The following DNM2 variants were observed in gnomAD, a reference collection of about 807,000 sequenced individuals.
DNM2 encodes the protein dynamin 2.
Under a neutral mutation model 99.0 loss-of-function variants are expected in DNM2, and 15 were observed. The ratio of observed to expected loss-of-function variants is 0.15; its 90% CI spans 0.10 to 0.23. The LOEUF (loss-of-function observed/expected upper bound fraction) is 0.23. Among genes scored for constraint, DNM2 ranks in the 10% least tolerant of loss-of-function variants. The probability of loss-of-function intolerance (pLI) is 1.00; values close to 1 mark genes in which losing one functional copy is unlikely to be tolerated. For missense variants in DNM2, 742 were observed against 1,189.4 expected (o/e 0.62, Z 5.53); for synonymous variants, 525 against 481.2 (o/e 1.09, Z -1.19).
intron 7 of DNM2, among the ~76,000 whole-genome samples, chr19:10,788,645 C>G (rs139063553): frequency 0.013 from 2,029 of 152,304 alleles, 24 homozygotes; most frequent in South Asian, 0.02. Context: ...CACCCCATGA[C>G]TTGGTTGGTG....
chr19:10,735,444 G>A (rs755660110), intron 1 of DNM2, among the ~76,000 whole-genome samples: 6 of 152,160 alleles, frequency 3.9e-5, no homozygotes, highest in Non-Finnish European at 5.9e-5. Context: ...AGGTAGGCTT[G>A]CTAGGTTTCC....
At chr19:10,767,885 G>A (rs992716840) in intron 2 of DNM2, among the ~76,000 whole-genome samples, 1 of 152,144 alleles carries the variant, frequency 6.6e-6, no homozygotes, top group Non-Finnish European at 1.5e-5. Flanking sequence ...CAGCCTGGGT[G>A]ACAGAGCAAG....
chr19:10,719,989 G>T (rs1433755760), intron 1 of DNM2, among the ~76,000 whole-genome samples: 1 of 151,944 alleles, frequency 6.6e-6, no homozygotes, highest in Non-Finnish European at 1.5e-5. Context: ...GTGGAAAGGT[G>T]TGGACTTGCA....
At chr19:10,769,826 G>A (rs879935061) in intron 2 of DNM2, among the ~76,000 whole-genome samples, 22 of 152,298 alleles carry the variant, frequency 1.4e-4, no homozygotes, top group Non-Finnish European at 2.1e-4. Flanking sequence ...CAGTGCCTGT[G>A]CTGGACACGG....
intron 6 of DNM2, among the ~76,000 whole-genome samples, chr19:10,783,375 G>A (rs1568298337): frequency 6.6e-6 from 1 of 152,202 alleles, no homozygotes; most frequent in Non-Finnish European, 1.5e-5. Flanking sequence ...GCTGAGGCAG[G>A]AGGATCACTT....
chr19:10,798,686 A>C, intron 11 of DNM2, 114 bp downstream of exon 11: 1 of 1,170,824 alleles, frequency 8.5e-7, no homozygotes, highest in South Asian at 1.3e-5. Context: ...ACCTCAATCA[A>C]GATACAGAGC....
In DNM2 at chr19:10,830,244, C is replaced by G. The variant is rs1355836332; in HGVS notation, c.2409C>G (p.Ser803=). ...CTGTTCCCGTGGGGGCAGCAGCCTC[C>G]TTCTCGGCGCCCCCAATCCCATCCC... ...LIPVPVGAAA[S]FSAPPIPSRP... The change falls in exon 20 of 21, where the codon TCC becomes TCG. Residue 803 remains serine (S), a synonymous_variant. Coordinates refer to ENST00000389253, the MANE Select transcript of DNM2 (RefSeq NM_001005361.3). This position sits in a 1 kb window ranked among gnomAD's most constrained non-coding sequence, Gnocchi z 4.8. The G allele has an allele frequency of 1.2e-6, 2 of 1,613,826 alleles. No individual in the cohort carries two copies.
chr19:10,812,442 G>A lies in DNM2; in HGVS notation c.1671+65G>A, dbSNP rs1423678871. The A allele has an allele frequency of 1.5e-5, 20 of 1,362,878 alleles. No individual in the cohort carries two copies. In the East Asian group the frequency reaches 3.9e-4, roughly 26 times the overall value. The allele number at this position is 1,362,878 out of a possible 1,614,324, so 84.4% of individuals were successfully genotyped here. A position where few individuals can be genotyped will look rare whatever the true frequency, so the allele number is the denominator to read the frequency against. ...GGCAGCCAGGGAAGAGCGGGTGGGC[G>A]CTCCCTCTGGGCAGAACTCAGTCAC... is the stretch of plus-strand genomic sequence containing the variant. On this transcript the variant is annotated intron_variant, in intron 15 of 20. Coordinates refer to ENST00000389253, the MANE Select transcript of DNM2 (RefSeq NM_001005361.3). The surrounding 1 kb of genome is among the most constrained non-coding windows in gnomAD (Gnocchi z 4.0).
At chr19:10,771,047 C>A (rs1366681191) in intron 2 of DNM2, among the ~76,000 whole-genome samples, 1 of 152,218 alleles carries the variant, frequency 6.6e-6, no homozygotes, top group Non-Finnish European at 1.5e-5. Flanking sequence ...CCCTCCTCGG[C>A]GTCCCACAGT....
At chr19:10,828,374 T>A (rs988302870) in intron 18 of DNM2, among the ~76,000 whole-genome samples, 2 of 151,390 alleles carry the variant, frequency 1.3e-5, no homozygotes. Flanking sequence ...GATCATAAGG[T>A]CAGGAGATCG....
chr19:10,735,318 G>A (rs761603253), intron 1 of DNM2, among the ~76,000 whole-genome samples: 11 of 151,968 alleles, frequency 7.2e-5, no homozygotes, highest in African/African-American at 1.2e-4. Context: ...GATTACAGGC[G>A]TAAGCCACCT....
chr19:10,787,494 C>T (rs914419957), intron 7 of DNM2, among the ~76,000 whole-genome samples: 2 of 150,140 alleles, frequency 1.3e-5, no homozygotes, highest in Non-Finnish European at 1.5e-5. Context: ...AGGCCAGGCA[C>T]GGTGGCTCAC....
intron 1 of DNM2, among the ~76,000 whole-genome samples, chr19:10,719,169 C>T (rs923744291): frequency 1.3e-5 from 2 of 152,098 alleles, no homozygotes; most frequent in South Asian, 2.1e-4. Context: ...GTCTGTCTGG[C>T]CATCTCCTAG....
At chr19:10,768,011 G>A (rs1008023762) in intron 2 of DNM2, among the ~76,000 whole-genome samples, 3 of 152,248 alleles carry the variant, frequency 2.0e-5, no homozygotes, top group East Asian at 1.9e-4. Context: ...AGACCTGGTC[G>A]GTGCCTGGGC....
rs2072738625 is a variant in DNM2, at chr19:10,816,302, G to A, written c.1672-3678G>A. Among the ~76,000 whole-genome samples, 1 of 152,124 alleles carries A rather than the reference G, an allele frequency of 6.6e-6. No homozygotes were observed. The highest frequency in any genetic ancestry group is 2.4e-5 in the African/African-American group (1 of 41,424). On this transcript the variant is annotated intron_variant, in intron 15 of 20. Coordinates refer to ENST00000389253, the MANE Select transcript of DNM2 (RefSeq NM_001005361.3). The surrounding 1 kb of genome is among the most constrained non-coding windows in gnomAD (Gnocchi z 4.6). ...CACATGAGGCCAGACGCTCATCTCT[G>A]GAATGTTCCTGAAACCTCAGGAGCC...
Position 10,759,789 on chromosome 19 carries a change from G to A in DNM2, c.213G>A (p.Leu71=), listed in dbSNP as rs375324714. ...SGIVTRRPLI[L]QLIFSKTEHA... ...TCGTCACCCGGCGGCCTCTCATTCT[G>A]CAGCTCATCTTCTCAAAAACAGGTA... is the stretch of plus-strand genomic sequence containing the variant. The change falls in exon 2 of 21, where the codon CTG becomes CTA. Residue 71 remains leucine (L), a synonymous_variant. Coordinates refer to ENST00000389253, the MANE Select transcript of DNM2 (RefSeq NM_001005361.3). 14 of 1,614,084 alleles carry A rather than the reference G, an allele frequency of 8.7e-6. No homozygotes were observed. The African/African-American group carries it at 1.6e-4, about 18-fold the overall frequency.
intron 5 of DNM2, 118 bp from the exon 6 acceptor site, chr19:10,782,842 C>T: frequency 1.4e-6 from 2 of 1,386,728 alleles, no homozygotes; most frequent in Admixed American, 1.7e-5. Flanking sequence ...CATGTTATGA[C>T]AGCTGTGAGT....
At chr19:10,755,852 C>T (rs995937421) in intron 1 of DNM2, among the ~76,000 whole-genome samples, 12 of 152,092 alleles carry the variant, frequency 7.9e-5, no homozygotes, top group Middle Eastern at 3.4e-3. Context: ...TAAGTAAAGG[C>T]GGGGTTTCAC....
intron 12 of DNM2, among the ~76,000 whole-genome samples, chr19:10,804,763 G>T (rs2146075591): frequency 6.6e-6 from 1 of 152,280 alleles, no homozygotes; most frequent in South Asian, 2.1e-4. Context: ...AATATCACTG[G>T]ATAAAATTCT....
Sources: gnomAD v4.1 joint callset for allele counts (sites outside exome capture counted in the v4.1 genomes callset) on GRCh38, gnomAD v4.1.1 for gene constraint, Gnocchi (gnomAD v3.1) non-coding constraint, MANE v1.5 for transcripts, NCBI Gene and HGNC (gene_info 2026-07-23, HGNC 2026-07-21) for gene names.